XXYLT1: variants seen among roughly 807,000 people sequenced by gnomAD.
The protein encoded by XXYLT1 is UDP-xylose:alpha-xyloside alpha-1,3-xylosyltransferase.
Under a neutral mutation model 28.9 loss-of-function variants are expected in XXYLT1, and 20 were observed. The ratio of observed to expected loss-of-function variants is 0.69; its 90% CI spans 0.49 to 1.00. The LOEUF is 1.00. Among genes scored for constraint, XXYLT1 ranks in the 50% least tolerant of loss-of-function variants. The probability of loss-of-function intolerance (pLI) is 0.00; values close to 1 mark genes in which losing one functional copy is unlikely to be tolerated. For synonymous variants in XXYLT1, 257 were observed against 253.8 expected (o/e 1.01, Z -0.12); for missense variants, 542 against 560.1 (o/e 0.97, Z 0.33).
chr3:195,150,998 T>C lies in XXYLT1; in HGVS notation c.785+5451A>G, dbSNP rs1382016894. Among the ~76,000 whole-genome samples the C allele has an allele frequency of 1.3e-5, 2 of 151,966 alleles. No homozygotes were observed. The highest frequency in any genetic ancestry group is 2.9e-5 in the Non-Finnish European group (2 of 67,996). On this transcript the variant is annotated intron_variant, in intron 3 of 3. Coordinates refer to ENST00000310380, the MANE Select transcript of XXYLT1 (RefSeq NM_152531.5). This position sits in a 1 kb window ranked among gnomAD's most constrained non-coding sequence, Gnocchi z 4.7. Reference sequence around the variant, plus strand: ...CCTCCCCAAATGACCCAGTCCACAGTTGGGCTTCCTAACTCTACAGAGTGG... The same window carrying C: ...CCTCCCCAAATGACCCAGTCCACAGCTGGGCTTCCTAACTCTACAGAGTGG...
intron 3 of XXYLT1, among the ~76,000 whole-genome samples, chr3:195,135,046 C>T (rs1162284880): frequency 6.6e-6 from 1 of 152,132 alleles, no homozygotes; most frequent in African/African-American, 2.4e-5. Context: ...GTAGAAACCA[C>T]AGGGGCGTAG....
At chr3:195,112,508 A>G (rs1717793774) in intron 3 of XXYLT1, among the ~76,000 whole-genome samples, 1 of 38,872 alleles carries the variant, frequency 2.6e-5, no homozygotes, top group South Asian at 6.4e-4. Flanking sequence ...ACACACCCAC[A>G]CACACCCACA....
chr3:195,088,434 C>T lies in XXYLT1; in HGVS notation c.786-18323G>A, dbSNP rs181687459. On this transcript the variant is annotated intron_variant, in intron 3 of 3. Transcript: ENST00000310380. ...CCCCCAGCGGGGCACCTCACAGGGC[C>T]GGGTACTCCAACAGACCTGCAGCTG... is the stretch of plus-strand genomic sequence containing the variant. 2.8e-5 allele frequency among the ~76,000 whole-genome samples: 4 copies of T among 144,186 alleles called. 1 individual carries two copies. The highest frequency in any genetic ancestry group is 7.4e-5 in the African/African-American group (3 of 40,280). The allele number at this position is 144,186 out of a possible 152,430, so 94.6% of individuals were successfully genotyped here.
rs1455552394 is a variant in XXYLT1, at chr3:195,257,210, A to T, written c.504+13345T>A. On this transcript the variant is annotated intron_variant, in intron 1 of 3. Transcript: ENST00000310380. This position sits in a 1 kb window ranked among gnomAD's most constrained non-coding sequence, Gnocchi z 4.3. ...CCCAGCCATCCCACCCCGGCCTTCC[A>T]TGGCTGCACTCACACCCCACTGCCC... Among the ~76,000 whole-genome samples, 1 of 152,130 alleles carries T rather than the reference A, an allele frequency of 6.6e-6. No individual in the cohort carries two copies. The highest frequency in any genetic ancestry group is 1.5e-5 in the Non-Finnish European group (1 of 68,008).
At chr3:195,118,046 C>A (rs991588368) in intron 3 of XXYLT1, among the ~76,000 whole-genome samples, 1 of 152,216 alleles carries the variant, frequency 6.6e-6, no homozygotes, top group Non-Finnish European at 1.5e-5. Flanking sequence ...CCCCCTAGAG[C>A]CACAAGGAAC....
At chr3:195,260,592 G>T (rs1470292574) in intron 1 of XXYLT1, among the ~76,000 whole-genome samples, 1 of 152,224 alleles carries the variant, frequency 6.6e-6, no homozygotes, top group African/African-American at 2.4e-5. Context: ...CCTAGGATAG[G>T]TGAAGACGAC....
chr3:195,242,869 A>T (rs1724838107), intron 1 of XXYLT1, among the ~76,000 whole-genome samples: 1 of 152,168 alleles, frequency 6.6e-6, no homozygotes, highest in African/African-American at 2.4e-5. Flanking sequence ...GAGTGAACCC[A>T]GTTTCTAATG....
At chr3:195,208,378 A>G (rs964003565) in intron 2 of XXYLT1, among the ~76,000 whole-genome samples, 41 of 152,208 alleles carry the variant, frequency 2.7e-4, no homozygotes, top group African/African-American at 8.2e-4. Context: ...AGTGGCAGTC[A>G]GCCCACCTGC....
chr3:195,223,950 AGT>A (rs1723937973), intron 2 of XXYLT1, among the ~76,000 whole-genome samples: 1 of 152,110 alleles, frequency 6.6e-6, no homozygotes, highest in Non-Finnish European at 1.5e-5. Context: ...TGAGGTCAGG[AGT>A]TTGAGACCAG....
chr3:195,260,985 C>A (rs75551375), intron 1 of XXYLT1, among the ~76,000 whole-genome samples: 2,270 of 152,368 alleles, frequency 0.015, 54 homozygotes, highest in African/African-American at 0.05. Flanking sequence ...CCCACACCCA[C>A]AGCCCCTTGG....
At chr3:195,191,792 G>A (rs1319847807) in intron 2 of XXYLT1, among the ~76,000 whole-genome samples, 2 of 152,048 alleles carry the variant, frequency 1.3e-5, no homozygotes, top group African/African-American at 2.4e-5. Context: ...ATTATAAAAG[G>A]GCCAATACAT....
intron 2 of XXYLT1, among the ~76,000 whole-genome samples, chr3:195,179,512 T>G (rs1721843663): frequency 2.0e-5 from 3 of 152,076 alleles, no homozygotes; most frequent in Admixed American, 2.0e-4. Flanking sequence ...TGGTTTTCAG[T>G]CACGTCCTAT....
At chr3:195,248,954 C>T (rs957385155) in intron 1 of XXYLT1, among the ~76,000 whole-genome samples, 5 of 152,140 alleles carry the variant, frequency 3.3e-5, no homozygotes, top group Non-Finnish European at 7.4e-5. Flanking sequence ...ATAAATTACC[C>T]AGTCTCGGGT....
rs112662286 is a variant in XXYLT1, at chr3:195,140,773, G to A, written c.785+15676C>T. ...CACGAGAAGAGCAAGAGGGAAGTCT[G>A]CCCCCATGATTCAATCACCTCCCAC... On this transcript the variant is annotated intron_variant, in intron 3 of 3. Transcript: ENST00000310380. Among the ~76,000 whole-genome samples, 1,051 of 152,296 alleles carry A rather than the reference G, an allele frequency of 6.9e-3. 4 individuals are homozygous for A. Among genetic ancestry groups the A allele is most frequent in the Non-Finnish European group, 0.012 (792 of 68,020 alleles).
intron 2 of XXYLT1, among the ~76,000 whole-genome samples, chr3:195,220,818 C>T (rs978740028): frequency 6.6e-6 from 1 of 152,198 alleles, no homozygotes; most frequent in African/African-American, 2.4e-5. Context: ...TGATGGGGTC[C>T]AAGCAAGGGA....
chr3:195,076,325 C>T lies in XXYLT1; in HGVS notation c.786-6214G>A, dbSNP rs560977222. On this transcript the variant is annotated intron_variant, in intron 3 of 3. Coordinates refer to ENST00000310380, the MANE Select transcript of XXYLT1 (RefSeq NM_152531.5). This position sits in a 1 kb window ranked among gnomAD's most constrained non-coding sequence, Gnocchi z 5.3. ...CGTTCCAGAGAGGAAGAAGCCCGCA[C>T]GGGGTCACGGGGCCGACTGCGGCAC... 2.8e-4 allele frequency among the ~76,000 whole-genome samples: 42 copies of T among 151,688 alleles called. No homozygotes were observed. The highest frequency in any genetic ancestry group is 9.7e-4 in the African/African-American group (40 of 41,370).
chr3:195,221,742 A>T (rs1040239567), intron 2 of XXYLT1, among the ~76,000 whole-genome samples: 4 of 145,802 alleles, frequency 2.7e-5, no homozygotes, highest in African/African-American at 8.4e-5. Context: ...GCGGCAAAAA[A>T]TGTTTTTTTT....
At chr3:195,112,305 C>T (rs1231745102) in intron 3 of XXYLT1, among the ~76,000 whole-genome samples, 3 of 152,164 alleles carry the variant, frequency 2.0e-5, no homozygotes, top group Admixed American at 6.5e-5. Context: ...GGTTCGCAAG[C>T]CCCAGAAGAT....
At chr3:195,266,168 C>A (rs1040629528) in intron 1 of XXYLT1, among the ~76,000 whole-genome samples, 17 of 152,122 alleles carry the variant, frequency 1.1e-4, no homozygotes, top group Non-Finnish European at 1.9e-4. Flanking sequence ...TAGCCAGAAG[C>A]CACTGGAGGT....
Sources: gnomAD v4.1 joint callset for allele counts (sites outside exome capture counted in the v4.1 genomes callset) on GRCh38, gnomAD v4.1.1 for gene constraint, Gnocchi (gnomAD v3.1) non-coding constraint, MANE v1.5 for transcripts, NCBI Gene and HGNC (gene_info 2026-07-23, HGNC 2026-07-21) for gene names.